ANKRD36B: variants seen among roughly 807,000 people sequenced by gnomAD.
ANKRD36B encodes the protein ankyrin repeat domain 36B.
Under a neutral mutation model 135.7 loss-of-function variants are expected in ANKRD36B, and 37 were observed. The observed-to-expected ratio is 0.27, with a 90% CI of 0.21 to 0.36. The LOEUF is 0.36. ANKRD36B is among the 10% of genes least tolerant of loss of function. ANKRD36B has a pLI of 1.00. For missense variants in ANKRD36B, 549 were observed against 1,037.1 expected, an observed-to-expected ratio of 0.53 and a Z score of 6.46; for synonymous variants, 179 against 348.1, an observed-to-expected ratio of 0.51 and a Z score of 5.41.
chr2:97,574,353 C>CAG (rs1194164607), intron 6 of ANKRD36B, among the ~76,000 whole-genome samples: 2 of 152,160 alleles, frequency 1.3e-5, no homozygotes, highest in Admixed American at 6.5e-5. Flanking sequence ...CATCTCACAC[C>CAG]AGTTAGAATG....
intron 6 of ANKRD36B, among the ~76,000 whole-genome samples, chr2:97,563,433 C>T (rs2053823): frequency 3.0e-4 from 9 of 30,448 alleles, no homozygotes; most frequent in African/African-American, 6.5e-4. Context: ...GAAAAAAATA[C>T]ACACACACAC....
At position 97,546,444 on chromosome 2, in the gene ANKRD36B, C is replaced by T. The variant is rs146384806; in HGVS notation, c.1580-583G>A. The stretch of plus-strand genomic sequence containing the variant: ...GATAACATTCATTATCTCTCACACG[C>T]ACGTGGTGCAATAATTTGCCTAAGT... On this transcript the variant is annotated intron_variant, in intron 22 of 43. Coordinates refer to ENST00000359901, the MANE Select transcript of ANKRD36B (RefSeq NM_001393939.1). Among the ~76,000 whole-genome samples, 686 of 151,808 alleles carry T rather than the reference C, an allele frequency of 4.5e-3. 5 individuals are homozygous for T. The highest frequency in any genetic ancestry group is 0.016 in the African/African-American group (658 of 41,486).
intron 6 of ANKRD36B, among the ~76,000 whole-genome samples, chr2:97,566,912 T>G (rs2081480614): frequency 1.3e-5 from 2 of 152,146 alleles, no homozygotes; most frequent in Non-Finnish European, 2.9e-5. Flanking sequence ...TGGCACTATC[T>G]ACTTGGGGAT....
chr2:97,570,790 T>A (rs1205754460), intron 6 of ANKRD36B, among the ~76,000 whole-genome samples: 4 of 152,138 alleles, frequency 2.6e-5, no homozygotes, highest in African/African-American at 9.7e-5. Context: ...AAGCCCAGAG[T>A]AGGACTGTTT....
At chr2:97,558,019 A>G (rs2080683873) in intron 10 of ANKRD36B, among the ~76,000 whole-genome samples, 1 of 151,990 alleles carries the variant, frequency 6.6e-6, no homozygotes. Context: ...TATTCTCTAA[A>G]GCATTTTCAT....
intron 20 of ANKRD36B, 138 bp downstream of exon 20, chr2:97,549,281 A>C: frequency 1.7e-6 from 2 of 1,161,874 alleles, no homozygotes; most frequent in Non-Finnish European, 2.4e-6. Context: ...TCACTCAAGA[A>C]CTTACTACAA....
At chr2:97,570,308 C>T (rs2081756462) in intron 6 of ANKRD36B, among the ~76,000 whole-genome samples, 1 of 152,120 alleles carries the variant, frequency 6.6e-6, no homozygotes, top group Admixed American at 6.5e-5. Context: ...GCTGTAACTG[C>T]TGTGAAGAAA....
At chr2:97,527,848 GCTAA>G (rs2078306527) in intron 35 of ANKRD36B, among the ~76,000 whole-genome samples, 2 of 96,160 alleles carry the variant, frequency 2.1e-5, no homozygotes, top group South Asian at 4.8e-4. Context: ...AAAAAGAAGA[GCTAA>G]CTATCCTAAA....
At chr2:97,558,901 T>A (rs552716175) in intron 9 of ANKRD36B, 30 bp from the exon 10 acceptor site, 1 of 1,609,230 alleles carries the variant, frequency 6.2e-7, no homozygotes, top group Non-Finnish European at 8.5e-7. Flanking sequence ...AAATAATCAA[T>A]ATGTAAAGTA....
chr2:97,576,053 T>C, intron 6 of ANKRD36B, among the ~76,000 whole-genome samples: 1 of 140,666 alleles, frequency 7.1e-6, no homozygotes, highest in East Asian at 2.0e-4. Context: ...AAGTTCTAAT[T>C]ATATAAAAAG....
chr2:97,569,740 T>A (rs1013270515), intron 6 of ANKRD36B, among the ~76,000 whole-genome samples: 2 of 152,292 alleles, frequency 1.3e-5, no homozygotes, highest in African/African-American at 2.4e-5. Flanking sequence ...GTTAATTTTT[T>A]AAAAAGATTT....
intron 4 of ANKRD36B, among the ~76,000 whole-genome samples, chr2:97,579,519 A>T (rs1236346754): frequency 1.1e-5 from 1 of 94,072 alleles, no homozygotes; most frequent in East Asian, 2.2e-4. Flanking sequence ...ATTTAATTAA[A>T]CACTATATAT....
intron 6 of ANKRD36B, among the ~76,000 whole-genome samples, chr2:97,565,118 C>A (rs1216944942): frequency 6.6e-6 from 1 of 152,054 alleles, no homozygotes; most frequent in African/African-American, 2.4e-5. Flanking sequence ...TTATTTTATT[C>A]TCTTTGTAGC....
rs561471757 is a variant in ANKRD36B at position 97,553,993 on chromosome 2, T to G, written c.1172-622A>C. Among the ~76,000 whole-genome samples the G allele has an allele frequency of 1.1e-4, 16 of 152,068 alleles. No homozygotes were observed. In the South Asian group the frequency reaches 3.3e-3, roughly 31 times the overall value. On this transcript the variant is annotated intron_variant, in intron 14 of 43. Coordinates refer to ENST00000359901, the MANE Select transcript of ANKRD36B (RefSeq NM_001393939.1). ...AACAATTTGCCTAAGTTTCCTGTAT[T>G]CTCTAGTTTAGCCTTCCCGGACATT...
intron 6 of ANKRD36B, among the ~76,000 whole-genome samples, chr2:97,568,347 T>A (rs2081594696): frequency 6.6e-6 from 1 of 152,136 alleles, no homozygotes; most frequent in African/African-American, 2.4e-5. Context: ...TCTAGGTCTA[T>A]GAAAACTGTA....
At chr2:97,562,422 A>G (rs2081111633) in intron 6 of ANKRD36B, among the ~76,000 whole-genome samples, 1 of 151,946 alleles carries the variant, frequency 6.6e-6, no homozygotes. Flanking sequence ...TCCAAAAACA[A>G]AAACAAAAAA....
chr2:97,575,227 G>C (rs2438926), intron 6 of ANKRD36B, among the ~76,000 whole-genome samples: 440 of 152,066 alleles, frequency 2.9e-3, no homozygotes, highest in Non-Finnish European at 5.3e-3. Context: ...AGGGAAAGTT[G>C]ACATTCCCAG....
At position 97,589,598 on chromosome 2, in the gene ANKRD36B, G is replaced by C; in HGVS notation, c.88C>G (p.Arg30Gly). ...TACTTCAGTTTCTCCAGATTACCAC[G>C]TAAGACAGCTCTGTGGATCCTCTTC... is the stretch of plus-strand genomic sequence containing the variant. ...HLKRIHRAVLRGNLEKLKYLL... is the reference protein window; with the variant it reads ...HLKRIHRAVLGGNLEKLKYLL... Residue 30 changes from arginine to glycine, a missense_variant, in exon 1 of 44, where the codon CGT (arginine) becomes GGT (glycine). Coordinates refer to ENST00000359901, the MANE Select transcript of ANKRD36B (RefSeq NM_001393939.1). The C allele has an allele frequency of 6.2e-7, 1 of 1,613,938 alleles. No homozygotes were observed. The highest frequency in any genetic ancestry group is 8.5e-7 in the Non-Finnish European group (1 of 1,179,948).
chr2:97,537,415 A>G (rs1305206719), intron 32 of ANKRD36B, among the ~76,000 whole-genome samples: 1 of 97,116 alleles, frequency 1.0e-5, no homozygotes, highest in Non-Finnish European at 2.7e-5. Context: ...AGCACTTTGG[A>G]AAAAACTAAA....
Sources: gnomAD v4.1 joint callset for allele counts (sites outside exome capture counted in the v4.1 genomes callset) on GRCh38, gnomAD v4.1.1 for gene constraint, MANE v1.5 for transcripts, NCBI Gene and HGNC (gene_info 2026-07-23, HGNC 2026-07-21) for gene names.